STK4: variants seen among roughly 807,000 people sequenced by gnomAD.
STK4 encodes serine/threonine-protein kinase 4.
A neutral mutation model predicts 64.9 loss-of-function variants in STK4; 30 were observed. That is an observed-to-expected ratio of 0.46 (90% CI 0.35 to 0.63). The LOEUF is 0.63. Ranked by LOEUF, STK4 falls within the 20% of genes least tolerant of loss-of-function variation. The pLI is 0.01. For missense variants in STK4, 466 were observed against 598.5 expected (o/e 0.78, Z 2.31); for synonymous variants, 177 against 199.0 (o/e 0.89, Z 0.93).
At chr20:45,006,821 T>C (rs752966854) in intron 9 of STK4, among the ~76,000 whole-genome samples, 1 of 152,226 alleles carries the variant, frequency 6.6e-6, no homozygotes, top group Non-Finnish European at 1.5e-5. Flanking sequence ...AGTATTGTCC[T>C]GGCTCCTATC....
At chr20:44,980,579 G>A (rs1395831141) in intron 3 of STK4, among the ~76,000 whole-genome samples, 2 of 152,174 alleles carry the variant, frequency 1.3e-5, no homozygotes, top group African/African-American at 2.4e-5. Flanking sequence ...TGTAGTATGT[G>A]TATGTTTTTA....
rs982941052 is a variant in STK4 at position 45,077,674 on chromosome 20, A to T, written c.*2498A>T. ...ACTGCTGGGATTACAGGCATGAGCC[A>T]CCGCTCCTGGCCTCTCTTTCTTTTT... On this transcript the variant is annotated 3_prime_UTR_variant, in exon 11 of 11. Coordinates refer to ENST00000372806, the MANE Select transcript of STK4 (RefSeq NM_006282.5). 1 of 152,230 alleles carries T rather than the reference A, an allele frequency of 6.6e-6. No individual in the cohort carries two copies. Among genetic ancestry groups the T allele is most frequent in the Non-Finnish European group, 1.5e-5 (1 of 68,062 alleles). 9.4% of individuals were successfully genotyped at this position (152,230 alleles called of 1,614,324 possible). A position where few individuals can be genotyped will look rare whatever the true frequency, so the allele number is the denominator to read the frequency against.
chr20:45,071,559 A>G (rs1980069322), intron 10 of STK4, among the ~76,000 whole-genome samples: 1 of 152,192 alleles, frequency 6.6e-6, no homozygotes, highest in African/African-American at 2.4e-5. Context: ...AGATAAGGCA[A>G]GGGTGCTTGT....
chr20:45,032,455 A>G (rs1600509171), intron 10 of STK4, among the ~76,000 whole-genome samples: 1 of 152,070 alleles, frequency 6.6e-6, no homozygotes. Context: ...CCTGATTTCT[A>G]TTGTTCTGTT....
chr20:45,020,486 A>G (rs115766988), intron 9 of STK4, among the ~76,000 whole-genome samples: 2,875 of 148,806 alleles, frequency 0.019, 81 homozygotes, highest in African/African-American at 0.063. Flanking sequence ...GTTTATGTTT[A>G]TGTTTATGTT....
chr20:44,972,649 G>A (rs192767142), intron 2 of STK4: 15 of 152,542 alleles, frequency 9.8e-5, no homozygotes, highest in African/African-American at 3.4e-4. Flanking sequence ...TTGTTAATGC[G>A]TTTATAAAAT....
At chr20:45,057,971 G>A (rs978653376) in intron 10 of STK4, among the ~76,000 whole-genome samples, 2 of 151,500 alleles carry the variant, frequency 1.3e-5, no homozygotes, top group African/African-American at 4.9e-5. Flanking sequence ...ACAGAATAAG[G>A]ATTAAACAAA....
chr20:44,995,522 C>T (rs1282519142), intron 6 of STK4, among the ~76,000 whole-genome samples: 2 of 139,726 alleles, frequency 1.4e-5, no homozygotes, highest in South Asian at 2.3e-4. Context: ...ATGAGAATCA[C>T]TTGAACCCCA....
At chr20:45,000,919 A>G (rs1397740435) in intron 8 of STK4, among the ~76,000 whole-genome samples, 2 of 152,180 alleles carry the variant, frequency 1.3e-5, no homozygotes, top group African/African-American at 4.8e-5. Context: ...TCTTAGATCT[A>G]TGTCACAAAA....
intron 9 of STK4, among the ~76,000 whole-genome samples, chr20:45,005,580 G>A (rs1167963890): frequency 2.0e-5 from 3 of 150,746 alleles, no homozygotes; most frequent in South Asian, 2.1e-4. Flanking sequence ...CCTGGGAGGC[G>A]GAGGTTGCAG....
At chr20:45,018,907 AT>A (rs1401081127) in intron 9 of STK4, among the ~76,000 whole-genome samples, 1 of 151,744 alleles carries the variant, frequency 6.6e-6, no homozygotes, top group African/African-American at 2.4e-5. Flanking sequence ...TAAAAAAAAA[AT>A]TTTTGTAGAG....
chr20:45,021,053 C>T (rs2145371163), intron 9 of STK4, among the ~76,000 whole-genome samples: 1 of 152,212 alleles, frequency 6.6e-6, no homozygotes, highest in South Asian at 2.1e-4. Context: ...CTCCTGGGCT[C>T]AAGCAGTCTA....
chr20:44,991,162 CAA>C (rs1415680041), intron 5 of STK4, among the ~76,000 whole-genome samples: 3 of 152,118 alleles, frequency 2.0e-5, no homozygotes, highest in Non-Finnish European at 4.4e-5. Context: ...CATCTTTACC[CAA>C]GACTCTGTAA....
intron 9 of STK4, among the ~76,000 whole-genome samples, chr20:45,001,710 ATTT>A (rs1303177643): frequency 1.3e-5 from 2 of 152,176 alleles, no homozygotes; most frequent in Admixed American, 1.3e-4. Flanking sequence ...ATTCTGAGTT[ATTT>A]ACTGTACATA....
At chr20:44,976,913 A>G (rs2067348782) in intron 2 of STK4, among the ~76,000 whole-genome samples, 1 of 152,184 alleles carries the variant, frequency 6.6e-6, no homozygotes, top group Non-Finnish European at 1.5e-5. Context: ...GCAGGTGGAA[A>G]TGGGCCTTCT....
At chr20:44,992,896 A>G (rs2067661180) in intron 5 of STK4, among the ~76,000 whole-genome samples, 1 of 151,788 alleles carries the variant, frequency 6.6e-6, no homozygotes, top group South Asian at 2.1e-4. Flanking sequence ...GGATTTCGCT[A>G]TGTTTCCCAG....
chr20:45,012,948 ATTTTTTTTTTTTTTT>A (rs60788017), intron 9 of STK4, among the ~76,000 whole-genome samples: 7 of 51,184 alleles, frequency 1.4e-4, no homozygotes, highest in South Asian at 9.3e-4. Context: ...CACACCTGTG[ATTTTTTTTTTTTTTT>A]TTTTTTTTTT....
intron 9 of STK4, among the ~76,000 whole-genome samples, chr20:45,013,222 T>C (rs1485156245): frequency 6.6e-6 from 1 of 152,114 alleles, no homozygotes; most frequent in African/African-American, 2.4e-5. Flanking sequence ...AGTCTGATTT[T>C]GCAGCAGAAT....
In STK4 at chr20:45,062,953, G is replaced by GTGC. The variant is rs534387803; in HGVS notation, c.1306-12062_1306-12060dup. 1.6e-4 allele frequency among the ~76,000 whole-genome samples: 20 copies of GTGC among 126,446 alleles called. No individual in the cohort carries two copies. The South Asian group carries it at 5.5e-3, about 35-fold the overall frequency. 83.0% of individuals were successfully genotyped at this position (126,446 alleles called of 152,430 possible). ...GATCCGCCCGCCTCGGCCTCCCAAA[G>GTGC]TGCTGGGATTACAGGTGTGAGCCAC... On this transcript the variant is annotated intron_variant, in intron 10 of 10. Coordinates refer to ENST00000372806, the MANE Select transcript of STK4 (RefSeq NM_006282.5).
Sources: gnomAD v4.1 joint callset for allele counts (sites outside exome capture counted in the v4.1 genomes callset) on GRCh38, gnomAD v4.1.1 for gene constraint, MANE v1.5 for transcripts, NCBI Gene and HGNC (gene_info 2026-07-23, HGNC 2026-07-21) for gene names.